RBFOX3: variants seen among roughly 807,000 people sequenced by gnomAD.
RBFOX3 encodes RNA binding fox-1 homolog 3.
In RBFOX3, 17 loss-of-function variants were observed where a neutral mutation model predicts 48.7. The ratio of observed to expected loss-of-function variants is 0.35; its 90% CI spans 0.24 to 0.52. The LOEUF (loss-of-function observed/expected upper bound fraction) is 0.52, where lower values mean the gene tolerates loss of function less well. Ranked by LOEUF, RBFOX3 falls within the 20% of genes least tolerant of loss-of-function variation. The pLI is 0.94. For missense variants in RBFOX3, 382 were observed against 497.5 expected (o/e 0.77, Z 2.21); for synonymous variants, 212 against 209.5 (o/e 1.01, Z -0.10).
intron 4 of RBFOX3, among the ~76,000 whole-genome samples, chr17:79,137,773 C>A (rs898722008): frequency 2.0e-5 from 3 of 152,212 alleles, no homozygotes; most frequent in Admixed American, 6.5e-5. Context: ...TAATGAGTTT[C>A]TTTAATTAAT....
At chr17:79,592,062 C>G (rs1048758380) in intron 1 of RBFOX3, among the ~76,000 whole-genome samples, 1 of 143,220 alleles carries the variant, frequency 7.0e-6, no homozygotes. Flanking sequence ...TGGGTGTGTG[C>G]AGGGGTGGAG....
In RBFOX3 at chr17:79,362,834, C is replaced by T. The variant is rs2086640549; in HGVS notation, c.-174-55010G>A. 6.6e-6 allele frequency among the ~76,000 whole-genome samples: 1 copy of T among 152,172 alleles called. No homozygotes were observed. The highest frequency in any genetic ancestry group is 1.5e-5 in the Non-Finnish European group (1 of 68,010). ...AGAGGGGTAAAGCGGGAACATCAGA[C>T]AACCCTGAACGCCCGGCTCTGTGTG... On this transcript the variant is annotated intron_variant, in intron 2 of 14. Coordinates refer to ENST00000693108, the MANE Select transcript of RBFOX3 (RefSeq NM_001350451.2). The surrounding 1 kb of genome is among the most constrained non-coding windows in gnomAD (Gnocchi z 4.2).
At chr17:79,605,109 T>A (rs1311176174) in intron 1 of RBFOX3, among the ~76,000 whole-genome samples, 20 of 152,158 alleles carry the variant, frequency 1.3e-4, no homozygotes, top group Non-Finnish European at 2.9e-5. Flanking sequence ...GCGCCCTTGG[T>A]TTGCGTGGCA....
chr17:79,484,425 TC>T (rs1425219631), intron 1 of RBFOX3, among the ~76,000 whole-genome samples: 11 of 151,824 alleles, frequency 7.2e-5, no homozygotes, highest in African/African-American at 2.7e-4. Context: ...TAGGAACAGT[TC>T]CATGGATGAA....
rs2074434269 is a variant in RBFOX3, at chr17:79,093,550, A to AGG, written c.1077+900_1077+901insCC. ...GTGTCTGAGGCTCGTTAAAAATTGA[A>AGG]AAAAAAAAAAAAAATTGGAGGGAGT... On this transcript the variant is annotated intron_variant, in intron 14 of 14. Transcript: ENST00000693108. 2.9e-5 allele frequency among the ~76,000 whole-genome samples: 2 copies of AGG among 68,402 alleles called. 1 individual carries two copies. Among genetic ancestry groups the AGG allele is most frequent in the Non-Finnish European group, 6.2e-5 (2 of 32,362 alleles). 44.9% of individuals were successfully genotyped at this position (68,402 alleles called of 152,430 possible). A position where few individuals can be genotyped will look rare whatever the true frequency, so the allele number is the denominator to read the frequency against.
At chr17:79,648,978 CTT>C in the RBFOX3 span, among the ~76,000 whole-genome samples, 2,727 of 133,190 alleles carry the variant, frequency 0.02, 42 homozygotes, top group African/African-American at 0.047. Flanking sequence ...TGAAAAATGT[CTT>C]TTTTTTTTTT....
At position 79,243,409 on chromosome 17, in the gene RBFOX3, C is replaced by T. The variant is rs2062690581; in HGVS notation, c.-73-7604G>A. Among the ~76,000 whole-genome samples, 1 of 152,172 alleles carries T rather than the reference C, an allele frequency of 6.6e-6. No individual in the cohort carries two copies. The highest frequency in any genetic ancestry group is 2.4e-5 in the African/African-American group (1 of 41,462). On this transcript the variant is annotated intron_variant, in intron 3 of 14. Transcript: ENST00000693108. The surrounding 1 kb of genome is among the most constrained non-coding windows in gnomAD (Gnocchi z 7.9). The stretch of plus-strand genomic sequence containing the variant: ...GCACTTGTGCAGCCTCAACGCCCAA[C>T]ATCAGCCCAAACCTTCTGTGACCAG...
intron 1 of RBFOX3, among the ~76,000 whole-genome samples, chr17:79,560,040 G>C: frequency 6.9e-6 from 1 of 144,940 alleles, no homozygotes; most frequent in African/African-American, 2.6e-5. Context: ...ATGAATGAAT[G>C]GGTGGGTGGA....
At chr17:79,182,201 G>A (rs2052152642) in intron 4 of RBFOX3, among the ~76,000 whole-genome samples, 1 of 152,156 alleles carries the variant, frequency 6.6e-6, no homozygotes, top group Non-Finnish European at 1.5e-5. Flanking sequence ...ACTGGGCCCT[G>A]CAGGCCCCAG....
At chr17:79,510,566 G>A (rs1426921081) in intron 1 of RBFOX3, among the ~76,000 whole-genome samples, 2 of 152,156 alleles carry the variant, frequency 1.3e-5, no homozygotes, top group Non-Finnish European at 2.9e-5. Flanking sequence ...TGTAAAGTTG[G>A]GGCTGTAATT....
chr17:79,104,372 G>A (rs2076983877), intron 6 of RBFOX3, among the ~76,000 whole-genome samples: 1 of 152,038 alleles, frequency 6.6e-6, no homozygotes, highest in South Asian at 2.1e-4. Context: ...TCCTTGGTGT[G>A]GTGTGGGGAC....
chr17:79,095,624 C>G, intron 12 of RBFOX3, 50 bp from the exon 13 acceptor site: 1 of 1,507,520 alleles, frequency 6.6e-7, no homozygotes, highest in South Asian at 1.2e-5. Flanking sequence ...GTGGGGCTCC[C>G]CAGGGAAAGG....
chr17:79,345,793 T>C (rs2082810612), intron 2 of RBFOX3, among the ~76,000 whole-genome samples: 1 of 152,212 alleles, frequency 6.6e-6, no homozygotes, highest in African/African-American at 2.4e-5. Flanking sequence ...TTCTAAACCA[T>C]TCAATATATT....
At chr17:79,572,721 C>CGT (rs1212992622) in intron 1 of RBFOX3, among the ~76,000 whole-genome samples, 1 of 152,192 alleles carries the variant, frequency 6.6e-6, no homozygotes, top group Non-Finnish European at 1.5e-5. Flanking sequence ...GGTTTGCAAA[C>CGT]GTGCGTGTTT....
intron 1 of RBFOX3, among the ~76,000 whole-genome samples, chr17:79,489,229 T>C (rs1756443477): frequency 8.7e-6 from 1 of 114,462 alleles, no homozygotes; most frequent in African/African-American, 3.4e-5. Flanking sequence ...CTTCTAGTCC[T>C]GCCAGAAAGT....
At chr17:79,460,491 C>T (rs919059557) in intron 2 of RBFOX3, among the ~76,000 whole-genome samples, 8 of 152,194 alleles carry the variant, frequency 5.3e-5, no homozygotes, top group Non-Finnish European at 8.8e-5. Flanking sequence ...GCTAGGGCCA[C>T]GCCCTCAGCC....
chr17:79,587,628 G>A (rs1014703345), intron 1 of RBFOX3, among the ~76,000 whole-genome samples: 130 of 152,316 alleles, frequency 8.5e-4, no homozygotes, highest in African/African-American at 3.0e-3. Flanking sequence ...AGCCAGGCGA[G>A]GTCCCCCCAC....
intron 4 of RBFOX3, among the ~76,000 whole-genome samples, chr17:79,190,330 G>C (rs1320909155): frequency 6.7e-6 from 1 of 149,724 alleles, no homozygotes; most frequent in Non-Finnish European, 1.5e-5. Flanking sequence ...AGAATCACTT[G>C]AATCTGGGAG....
intron 5 of RBFOX3, among the ~76,000 whole-genome samples, chr17:79,112,862 G>C (rs934137184): frequency 1.4e-5 from 2 of 145,670 alleles, no homozygotes; most frequent in Non-Finnish European, 3.0e-5. Flanking sequence ...CGTCCAGGGG[G>C]TTGTGTGCCC....
Sources: allele counts gnomAD v4.1 joint callset (sites outside exome capture counted in the v4.1 genomes callset), GRCh38; gene constraint gnomAD v4.1.1; non-coding constraint Gnocchi (gnomAD v3.1); transcripts MANE v1.5; gene names NCBI Gene and HGNC (gene_info 2026-07-23, HGNC 2026-07-21).